Variants in AP3B2 observed in about 807,000 individuals in gnomAD.
AP3B2 encodes AP-3 complex subunit beta-2.
Under a neutral mutation model 126.9 loss-of-function variants are expected in AP3B2, and 50 were observed. That is an observed-to-expected ratio of 0.39 (90% CI 0.31 to 0.50). The LOEUF (loss-of-function observed/expected upper bound fraction) is 0.50. Among genes scored for constraint, AP3B2 ranks in the 20% least tolerant of loss-of-function variants. AP3B2 has a pLI of 0.79. For missense variants in AP3B2, 1,177 were observed against 1,426.4 expected (o/e 0.83, Z 2.82); for synonymous variants, 541 against 565.0 (o/e 0.96, Z 0.60).
chr15:82,659,470 G>A lies in AP3B2; in HGVS notation c.*90C>T, dbSNP rs2047897042. 6.0e-6 allele frequency: 8 copies of A among 1,326,662 alleles called. No homozygotes were observed. The highest frequency in any genetic ancestry group is 1.9e-4 in the Middle Eastern group (1 of 5,234). The allele number at this position is 1,326,662 out of a possible 1,614,324, so 82.2% of individuals were successfully genotyped here. ...TGCTATCTGGCATGAGGAGGATGAT[G>A]AGAGAGAGAGAGAAAGATGAGAGAG... On this transcript the variant is annotated 3_prime_UTR_variant, in exon 27 of 27. Transcript: ENST00000535359.
At position 82,689,171 on chromosome 15, in the gene AP3B2, C is replaced by T; in HGVS notation, c.251G>A (p.Cys84Tyr). 2 of 1,613,986 alleles carry T rather than the reference C, an allele frequency of 1.2e-6. No individual in the cohort carries two copies. Among genetic ancestry groups the T allele is most frequent in the Non-Finnish European group, 1.7e-6 (2 of 1,179,896 alleles). ...LFPAVVKNVA[C>Y]KNIEVKKLVY... Reference sequence around the variant, plus strand: ...GGTAGTGCTCACCTCTATGTTCTTACAGGCCACGTTCTTCACCACCGCGGG... The same window carrying T: ...GGTAGTGCTCACCTCTATGTTCTTATAGGCCACGTTCTTCACCACCGCGGG... Residue 84 changes from cysteine (C) to tyrosine (Y), a missense_variant, in exon 3 of 27, where the codon TGT becomes TAT. This residue lies in a region of AP3B2 where 130 missense variants were observed against 262.0 expected (regional missense o/e 0.50). Coordinates refer to ENST00000535359, the MANE Select transcript of AP3B2 (RefSeq NM_001278512.2).
At chr15:82,683,339 G>A (rs2151443898) in intron 4 of AP3B2, among the ~76,000 whole-genome samples, 1 of 152,250 alleles carries the variant, frequency 6.6e-6, no homozygotes, top group South Asian at 2.1e-4. Context: ...TTACAGGCGT[G>A]AGCCACTGCA....
At chr15:82,661,074 C>T (rs1266578967) in intron 25 of AP3B2, among the ~76,000 whole-genome samples, 1 of 152,124 alleles carries the variant, frequency 6.6e-6, no homozygotes, top group East Asian at 1.9e-4. Context: ...CTCCTCCCAC[C>T]TCTCCCTGTG....
intron 14 of AP3B2, among the ~76,000 whole-genome samples, chr15:82,673,456 C>A (rs1225350923): frequency 6.6e-6 from 1 of 152,178 alleles, no homozygotes; most frequent in Non-Finnish European, 1.5e-5. Flanking sequence ...TCAAATGACC[C>A]ACCCACCTTG....
intron 1 of AP3B2, among the ~76,000 whole-genome samples, chr15:82,702,551 G>T (rs1233319327): frequency 6.6e-6 from 1 of 152,028 alleles, no homozygotes; most frequent in Non-Finnish European, 1.5e-5. Flanking sequence ...TGGCTCAAAA[G>T]CTCCCCCACT....
At chr15:82,701,592 G>T (rs909856626) in intron 1 of AP3B2, among the ~76,000 whole-genome samples, 10 of 152,086 alleles carry the variant, frequency 6.6e-5, no homozygotes, top group Non-Finnish European at 1.0e-4. Context: ...TTTAGATGTC[G>T]ACTTAGAATG....
chr15:82,685,308 A>C (rs1388321699), intron 4 of AP3B2: 2 of 152,246 alleles, frequency 1.3e-5, no homozygotes, highest in African/African-American at 4.8e-5. Flanking sequence ...GGGTTGCCAC[A>C]AACCCTCAAT....
Position 82,665,376 on chromosome 15 carries a change from AACACACAC to A in AP3B2, c.1971+73_1972-74del, listed in dbSNP as rs60428596. 8,960 of 1,251,224 alleles carry A rather than the reference AACACACAC, an allele frequency of 7.2e-3. 41 individuals are homozygous for A. Among genetic ancestry groups the A allele is most frequent in the East Asian group, 0.029 (1,156 of 39,830 alleles). The allele number at this position is 1,251,224 out of a possible 1,614,324, so 77.5% of individuals were successfully genotyped here. A position where few individuals can be genotyped will look rare whatever the true frequency, so the allele number is the denominator to read the frequency against. ...GGGCTCCCTACTGTCTGCCCCCACC[AACACACAC>A]ACACACACACACACACACACACACA... On this transcript the variant is annotated intron_variant, in intron 16 of 26. Transcript: ENST00000535359. The surrounding 1 kb of genome is among the most constrained non-coding windows in gnomAD (Gnocchi z 4.4).
At chr15:82,698,087 C>G (rs1200705207) in intron 1 of AP3B2, 2 of 152,460 alleles carry the variant, frequency 1.3e-5, no homozygotes, top group Non-Finnish European at 2.9e-5. Flanking sequence ...CACATTGATA[C>G]CACCCACATA....
Position 82,664,281 on chromosome 15 carries a change from A to C in AP3B2, c.2261+86T>G. 6.3e-7 allele frequency: 1 copy of C among 1,599,218 alleles called. No homozygotes were observed. The highest frequency in any genetic ancestry group is 8.5e-7 in the Non-Finnish European group (1 of 1,174,850). On this transcript the variant is annotated intron_variant, in intron 19 of 26. Coordinates refer to ENST00000535359, the MANE Select transcript of AP3B2 (RefSeq NM_001278512.2). This position sits in a 1 kb window ranked among gnomAD's most constrained non-coding sequence, Gnocchi z 4.5. ...GCTCACGAGGGGCTCAGGGGCTCTT[A>C]GGAGACTGGCTAAAGCTCAATGCTA...
Position 82,709,822 on chromosome 15 carries a change from G to A in AP3B2, c.-116C>T, listed in dbSNP as rs2048856035. 1.3e-6 allele frequency: 1 copy of A among 785,666 alleles called. No homozygotes were observed. Among genetic ancestry groups the A allele is most frequent in the Non-Finnish European group, 1.8e-6 (1 of 541,572 alleles). The allele number at this position is 785,666 out of a possible 1,614,324, so 48.7% of individuals were successfully genotyped here. On this transcript the variant is annotated 5_prime_UTR_variant, in exon 1 of 27. Transcript: ENST00000535359. The stretch of plus-strand genomic sequence containing the variant: ...GGCTGGCGAAGGCGGCGGCGCGGCA[G>A]GGGTTCAGCAGAGGCTGCAGTGTGC...
chr15:82,692,175 T>A (rs1017553125), intron 1 of AP3B2: 8 of 1,468,988 alleles, frequency 5.4e-6, no homozygotes, highest in Non-Finnish European at 7.5e-6. Flanking sequence ...ATTTCTTCCA[T>A]AAATAGCATC....
chr15:82,660,504 C>G (rs1367738226), intron 25 of AP3B2, among the ~76,000 whole-genome samples: 1 of 152,184 alleles, frequency 6.6e-6, no homozygotes, highest in African/African-American at 2.4e-5. Flanking sequence ...AGCTCCAGAC[C>G]TAGCCAGGGC....
intron 4 of AP3B2, among the ~76,000 whole-genome samples, chr15:82,683,036 C>T (rs574346207): frequency 7.1e-6 from 1 of 140,424 alleles, no homozygotes; most frequent in Non-Finnish European, 1.5e-5. Context: ...TTCACAGCAT[C>T]TGCACCAGGA....
chr15:82,684,935 G>C (rs1036578738), intron 4 of AP3B2, among the ~76,000 whole-genome samples: 2 of 152,164 alleles, frequency 1.3e-5, no homozygotes, highest in Non-Finnish European at 2.9e-5. Context: ...TCTAGCTTTT[G>C]ATTTAAAGTG....
intron 21 of AP3B2, 84 bp from the exon 22 acceptor site, chr15:82,663,317 T>C (rs1193318861): frequency 8.6e-7 from 1 of 1,159,050 alleles, no homozygotes; most frequent in South Asian, 1.3e-5. Flanking sequence ...GGAGCACGCA[T>C]TTCAGCACCA....
intron 1 of AP3B2, among the ~76,000 whole-genome samples, chr15:82,700,340 C>T (rs2048698501): frequency 6.7e-6 from 1 of 148,440 alleles, no homozygotes; most frequent in Non-Finnish European, 1.5e-5. Flanking sequence ...GCTCTCACAT[C>T]CTTGGCCCTC....
chr15:82,661,507 T>G (rs1270301557), intron 25 of AP3B2, among the ~76,000 whole-genome samples: 1 of 152,210 alleles, frequency 6.6e-6, no homozygotes, highest in Non-Finnish European at 1.5e-5. Flanking sequence ...TAATATTTCA[T>G]GACACATGAA....
chr15:82,701,007 T>G (rs2048712616), intron 1 of AP3B2, among the ~76,000 whole-genome samples: 1 of 152,118 alleles, frequency 6.6e-6, no homozygotes, highest in Non-Finnish European at 1.5e-5. Flanking sequence ...ATTATAGACA[T>G]GCGTTACCAC....
Sources: gnomAD v4.1 joint callset for allele counts (sites outside exome capture counted in the v4.1 genomes callset) on GRCh38, gnomAD v4.1.1 for gene constraint, gnomAD v4.1.1 regional missense constraint, Gnocchi (gnomAD v3.1) non-coding constraint, MANE v1.5 for transcripts, NCBI Gene and HGNC (gene_info 2026-07-23, HGNC 2026-07-21) for gene names.